Variants in GRM5 observed in about 807,000 individuals in gnomAD.
GRM5 encodes glutamate metabotropic receptor 5, also known as metabotropic glutamate receptor 5.
GRM5 carries 19 observed loss-of-function variants against 83.1 expected under a neutral mutation model. The ratio of observed to expected loss-of-function variants is 0.23; its 90% CI spans 0.16 to 0.34. GRM5 has a LOEUF of 0.34. Ranked by LOEUF, GRM5 falls within the 10% of genes least tolerant of loss-of-function variation. The pLI is 1.00. For synonymous variants in GRM5, 675 were observed against 633.6 expected (o/e 1.07, Z -0.98); for missense variants, 1,160 against 1,588.3 (o/e 0.73, Z 4.58).
At chr11:88,550,419 C>T (rs894659497) in intron 8 of GRM5, among the ~76,000 whole-genome samples, 34 of 152,106 alleles carry the variant, frequency 2.2e-4, no homozygotes, top group African/African-American at 6.5e-4. Flanking sequence ...AAAATGAAAC[C>T]GTGTACTTCA....
intron 3 of GRM5, among the ~76,000 whole-genome samples, chr11:88,660,443 T>A (rs932069939): frequency 3.3e-5 from 5 of 152,214 alleles, no homozygotes; most frequent in African/African-American, 1.2e-4. Context: ...ACATGGTTAT[T>A]TATTAATACT....
At chr11:88,605,045 C>T in intron 4 of GRM5, 81 bp from the exon 5 acceptor site, 1 of 1,159,278 alleles carries the variant, frequency 8.6e-7, no homozygotes, top group Non-Finnish European at 1.3e-6. Context: ...AATGGGTTAC[C>T]TGTAATTAGA....
intron 2 of GRM5, among the ~76,000 whole-genome samples, chr11:88,885,447 CATGTTTTTTTTTTT>C: frequency 2.3e-5 from 2 of 87,898 alleles, no homozygotes; most frequent in African/African-American, 1.1e-4. Flanking sequence ...TAGTAGGTAC[CATGTTTTTTTTTTT>C]TTTTTTTTTT....
chr11:88,918,420 T>G (rs1945632456), intron 2 of GRM5, among the ~76,000 whole-genome samples: 1 of 151,534 alleles, frequency 6.6e-6, no homozygotes, highest in African/African-American at 2.4e-5. Flanking sequence ...ACCCTAAAAC[T>G]TAAAGTATAA....
intron 2 of GRM5, among the ~76,000 whole-genome samples, chr11:88,899,424 A>G (rs1023579011): frequency 6.6e-6 from 1 of 152,014 alleles, no homozygotes; most frequent in Non-Finnish European, 1.5e-5. Context: ...ATAGTGGATA[A>G]TTAGGAAGTG....
chr11:88,641,051 C>T lies in GRM5; in HGVS notation c.1147+12117G>A, dbSNP rs1018999540. ...AAGAAAAGAAGTTTAATTGGCTCAC[C>T]GTTCTGCAGGCTGTACAGGAAGTAT... On this transcript the variant is annotated intron_variant, in intron 4 of 9. Coordinates refer to ENST00000305447, the MANE Select transcript of GRM5 (RefSeq NM_001143831.3). Among the ~76,000 whole-genome samples the T allele has an allele frequency of 9.2e-5, 14 of 152,170 alleles. No individual in the cohort carries two copies. In the East Asian group the frequency reaches 2.3e-3, roughly 25 times the overall value.
intron 4 of GRM5, among the ~76,000 whole-genome samples, chr11:88,642,455 C>T (rs1434335165): frequency 6.6e-6 from 1 of 152,178 alleles, no homozygotes; most frequent in Non-Finnish European, 1.5e-5. Context: ...ATATCTCTAG[C>T]AAGTGGTTGC....
intron 3 of GRM5, among the ~76,000 whole-genome samples, chr11:88,783,588 A>G (rs1051298277): frequency 4.6e-5 from 7 of 152,070 alleles, no homozygotes; most frequent in Non-Finnish European, 8.8e-5. Context: ...AACAATAACC[A>G]TGATTTTCCA....
intron 2 of GRM5, among the ~76,000 whole-genome samples, chr11:89,001,324 AT>A (rs1268136014): frequency 1.3e-5 from 2 of 152,140 alleles, no homozygotes; most frequent in Admixed American, 1.3e-4. Flanking sequence ...CAGATCAGGC[AT>A]CCTTCAATTG....
chr11:88,693,854 T>C (rs1940841060), intron 3 of GRM5, among the ~76,000 whole-genome samples: 1 of 140,628 alleles, frequency 7.1e-6, no homozygotes, highest in African/African-American at 3.2e-5. Context: ...AAAAATACAT[T>C]CCTAATGCGT....
intron 7 of GRM5, 104 bp from the exon 8 acceptor site, chr11:88,568,096 C>G: frequency 1.5e-6 from 1 of 663,280 alleles, no homozygotes; most frequent in East Asian, 2.7e-5. Context: ...AGTTTGTTCC[C>G]CATCTACCTT....
intron 2 of GRM5, among the ~76,000 whole-genome samples, chr11:88,944,576 A>G (rs1938213765): frequency 6.6e-6 from 1 of 151,854 alleles, no homozygotes. Flanking sequence ...CAATTTTATT[A>G]ACTATAATTC....
intron 3 of GRM5, among the ~76,000 whole-genome samples, chr11:88,797,897 G>T (rs1013203091): frequency 6.0e-5 from 9 of 150,142 alleles, no homozygotes; most frequent in African/African-American, 2.2e-4. Context: ...TTTATATTTA[G>T]TTGGGGAGCT....
rs1047850051 is a variant in GRM5, at chr11:88,807,179, A to C, written c.911+42727T>G. 4.6e-5 allele frequency among the ~76,000 whole-genome samples: 7 copies of C among 152,170 alleles called. No homozygotes were observed. The East Asian group carries it at 9.6e-4, about 21-fold the overall frequency. ...CATAAACCTTGACATAGACAGTTTTAAAAAATGCTTATTGAACACATGAAT... is the reference window on the plus strand; with the variant it reads ...CATAAACCTTGACATAGACAGTTTTCAAAAATGCTTATTGAACACATGAAT... On this transcript the variant is annotated intron_variant, in intron 3 of 9. Coordinates refer to ENST00000305447, the MANE Select transcript of GRM5 (RefSeq NM_001143831.3).
intron 2 of GRM5, among the ~76,000 whole-genome samples, chr11:88,996,931 T>G (rs924938117): frequency 3.3e-5 from 5 of 152,244 alleles, no homozygotes; most frequent in African/African-American, 1.2e-4. Context: ...ATAGAACTTT[T>G]TTAAATCATT....
intron 2 of GRM5, among the ~76,000 whole-genome samples, chr11:89,035,911 C>T (rs926052326): frequency 2.0e-5 from 3 of 152,032 alleles, no homozygotes; most frequent in Non-Finnish European, 2.9e-5. Flanking sequence ...CAATGTACTA[C>T]AACTTGTTTC....
intron 3 of GRM5, among the ~76,000 whole-genome samples, chr11:88,686,759 C>T (rs1226721433): frequency 6.6e-6 from 1 of 152,118 alleles, no homozygotes; most frequent in Non-Finnish European, 1.5e-5. Context: ...CTTGTGGCTG[C>T]CATGTAAGAA....
In GRM5 at chr11:88,741,850, T is replaced by C. The variant is rs192354573; in HGVS notation, c.912-88447A>G. ...TTAAGAGAGGATTTCCTGGAGGAAA[T>C]AGATCCACCTGTGAGGATAATGGAG... On this transcript the variant is annotated intron_variant, in intron 3 of 9. Transcript: ENST00000305447. Among the ~76,000 whole-genome samples the C allele has an allele frequency of 2.2e-3, 338 of 151,794 alleles. 3 individuals carry two copies. The highest frequency in any genetic ancestry group is 4.1e-3 in the Non-Finnish European group (277 of 67,912).
chr11:88,746,799 A>T (rs1942154877), intron 3 of GRM5, among the ~76,000 whole-genome samples: 1 of 152,176 alleles, frequency 6.6e-6, no homozygotes. Context: ...AGCATGTAAG[A>T]AGTTGGGAAT....
Sources: gnomAD v4.1 joint callset for allele counts (sites outside exome capture counted in the v4.1 genomes callset) on GRCh38, gnomAD v4.1.1 for gene constraint, MANE v1.5 for transcripts, NCBI Gene and HGNC (gene_info 2026-07-23, HGNC 2026-07-21) for gene names.